Variants in CELF2 observed in about 807,000 individuals in gnomAD.
CELF2 encodes CUGBP Elav-like family member 2, also known as CUG triplet repeat RNA-binding protein 2.
In CELF2, 8 loss-of-function variants were observed where a neutral mutation model predicts 62.6. That is an observed-to-expected ratio of 0.13 (90% CI 0.07 to 0.23). The LOEUF (loss-of-function observed/expected upper bound fraction) is 0.23, where lower values mean the gene tolerates loss of function less well. Ranked by LOEUF, CELF2 falls within the 10% of genes least tolerant of loss-of-function variation. The probability of loss-of-function intolerance (pLI) is 1.00; values close to 1 mark genes in which losing one functional copy is unlikely to be tolerated. For synonymous variants in CELF2, 258 were observed against 250.0 expected, an observed-to-expected ratio of 1.03 and a Z score of -0.30; for missense variants, 333 against 671.0, an observed-to-expected ratio of 0.50 and a Z score of 5.56.
intron 2 of CELF2, among the ~76,000 whole-genome samples, chr10:11,208,229 A>C (rs1234525563): frequency 6.6e-6 from 1 of 152,018 alleles, no homozygotes; most frequent in Non-Finnish European, 1.5e-5. Context: ...AGGGACCAAG[A>C]GAAAACCTCC....
Position 11,103,423 on chromosome 10 carries a change from T to G in CELF2, c.75-62063T>G, listed in dbSNP as rs561263507. Among the ~76,000 whole-genome samples the G allele has an allele frequency of 2.6e-4, 39 of 151,570 alleles. 1 individual carries two copies. The South Asian group carries it at 7.7e-3, about 30-fold the overall frequency. ...TATTAACATTTTACAAGAGGCTGCA[T>G]GGCCTAGTGCTCTTTTTAAAAAGCC... On this transcript the variant is annotated intron_variant, in intron 1 of 12. Transcript: ENST00000633077.
intron 1 of CELF2, among the ~76,000 whole-genome samples, chr10:11,161,977 C>T (rs180920477): frequency 1.3e-5 from 2 of 152,280 alleles, no homozygotes; most frequent in African/African-American, 4.8e-5. Context: ...CAGTGAGTCT[C>T]CGCTAAAAAT....
the CELF2 span, among the ~76,000 whole-genome samples, chr10:10,639,442 T>C: frequency 1.3e-5 from 2 of 152,220 alleles, no homozygotes; most frequent in African/African-American, 4.8e-5. Flanking sequence ...GTATAAGAAT[T>C]AACAAGTAAA....
the CELF2 span, among the ~76,000 whole-genome samples, chr10:10,654,780 C>G: frequency 6.8e-6 from 1 of 147,768 alleles, no homozygotes; most frequent in Non-Finnish European, 1.5e-5. Flanking sequence ...TGGGCAAAAA[C>G]TGGAAGCATT....
chr10:11,264,497 A>G (rs2248476), intron 5 of CELF2, among the ~76,000 whole-genome samples: 5,912 of 152,338 alleles, frequency 0.039, 186 homozygotes, highest in African/African-American at 0.089. Context: ...TTGGTTTCAA[A>G]TCTATCTCCA....
chr10:10,677,846 A>T, the CELF2 span, among the ~76,000 whole-genome samples: 1 of 152,210 alleles, frequency 6.6e-6, no homozygotes, highest in Non-Finnish European at 1.5e-5. Flanking sequence ...TGGCAAGAAC[A>T]AGCCACTAAT....
At chr10:11,180,574 G>C (rs1251669479) in intron 2 of CELF2, among the ~76,000 whole-genome samples, 1 of 152,166 alleles carries the variant, frequency 6.6e-6, no homozygotes, top group South Asian at 2.1e-4. Context: ...CTATCTCCCA[G>C]TGACAGCTCT....
the CELF2 span, among the ~76,000 whole-genome samples, chr10:10,731,973 C>T: frequency 6.8e-4 from 103 of 152,270 alleles, no homozygotes; most frequent in African/African-American, 2.4e-3. Context: ...ACACCTAACT[C>T]TTTTGCAAGA....
chr10:10,791,100 A>G, the CELF2 span, among the ~76,000 whole-genome samples: 1 of 152,184 alleles, frequency 6.6e-6, no homozygotes, highest in Non-Finnish European at 1.5e-5. Context: ...TATTCATTCA[A>G]TAAAATTCTC....
intron 1 of CELF2, among the ~76,000 whole-genome samples, chr10:10,919,132 T>G (rs112749929): frequency 0.048 from 7,365 of 152,002 alleles, 607 homozygotes; most frequent in African/African-American, 0.17. Context: ...TAGCTGCACG[T>G]GGTGGCACAC....
intron 1 of CELF2, among the ~76,000 whole-genome samples, chr10:11,126,837 CT>C (rs1161021784): frequency 6.6e-6 from 1 of 151,628 alleles, no homozygotes; most frequent in Non-Finnish European, 1.5e-5. Context: ...GATATAGTTG[CT>C]CTTCAGCCAT....
chr10:11,033,023 T>G (rs1327602065), intron 1 of CELF2, among the ~76,000 whole-genome samples: 1 of 152,228 alleles, frequency 6.6e-6, no homozygotes, highest in African/African-American at 2.4e-5. Context: ...AAAATAACTT[T>G]GGGGTCCAGG....
At chr10:11,077,678 G>A (rs1408876782) in intron 1 of CELF2, among the ~76,000 whole-genome samples, 1 of 152,180 alleles carries the variant, frequency 6.6e-6, no homozygotes, top group Non-Finnish European at 1.5e-5. Context: ...ATCGTCGTGT[G>A]AAACATTTCA....
chr10:11,280,893 C>T lies in CELF2; in HGVS notation c.841+5773C>T, dbSNP rs890834836. Among the ~76,000 whole-genome samples, 1 of 152,142 alleles carries T rather than the reference C, an allele frequency of 6.6e-6. No individual in the cohort carries two copies. The highest frequency in any genetic ancestry group is 6.5e-5 in the Admixed American group (1 of 15,278). On this transcript the variant is annotated intron_variant, in intron 8 of 12. Transcript: ENST00000633077. This position sits in a 1 kb window ranked among gnomAD's most constrained non-coding sequence, Gnocchi z 7.6. ...GCGCCAGCCTCCACTGGGTCCTTCC[C>T]CATTGACACCTGTGCCCAGGAAGGT... is the stretch of plus-strand genomic sequence containing the variant.
intron 1 of CELF2, among the ~76,000 whole-genome samples, chr10:10,897,966 G>A (rs2062679206): frequency 6.6e-6 from 1 of 152,156 alleles, no homozygotes; most frequent in Non-Finnish European, 1.5e-5. Context: ...GTCTCTGTAG[G>A]CCCAGAAACA....
chr10:10,747,482 G>A, the CELF2 span, among the ~76,000 whole-genome samples: 5 of 152,244 alleles, frequency 3.3e-5, no homozygotes, highest in East Asian at 3.9e-4. Flanking sequence ...GGAGGCTGAC[G>A]GAAGGCGGCA....
intron 1 of CELF2, among the ~76,000 whole-genome samples, chr10:10,815,674 C>T (rs2056388122): frequency 6.6e-6 from 1 of 152,150 alleles, no homozygotes; most frequent in Non-Finnish European, 1.5e-5. Flanking sequence ...CTATATTAAG[C>T]TTTAATTCTC....
intron 1 of CELF2, among the ~76,000 whole-genome samples, chr10:11,059,021 A>G (rs1324650347): frequency 1.3e-5 from 2 of 152,174 alleles, no homozygotes; most frequent in African/African-American, 2.4e-5. Context: ...GGGCTCAAGC[A>G]ATGCTTCTTC....
In CELF2 at chr10:11,213,526, A is replaced by G. The variant is rs995916994; in HGVS notation, c.272-3899A>G. The stretch of plus-strand genomic sequence containing the variant: ...TAGCTCCTTGACCTTTTGCCATAAT[A>G]ATTGTCATTTCAGGGAAAATAATGA... On this transcript the variant is annotated intron_variant, in intron 2 of 12. Transcript: ENST00000633077. 4.6e-5 allele frequency among the ~76,000 whole-genome samples: 7 copies of G among 152,170 alleles called. No individual in the cohort carries two copies. In the South Asian group the frequency reaches 8.3e-4, roughly 18 times the overall value.
Sources: gnomAD v4.1 joint callset for allele counts (sites outside exome capture counted in the v4.1 genomes callset) on GRCh38, gnomAD v4.1.1 for gene constraint, Gnocchi (gnomAD v3.1) non-coding constraint, MANE v1.5 for transcripts, NCBI Gene and HGNC (gene_info 2026-07-23, HGNC 2026-07-21) for gene names.